CYP2S1: variants seen among roughly 807,000 people sequenced by gnomAD.
CYP2S1 encodes cytochrome P450 2S1.
In CYP2S1, 32 loss-of-function variants were observed where a neutral mutation model predicts 43.5. The ratio of observed to expected loss-of-function variants is 0.74; its 90% CI spans 0.56 to 0.99. CYP2S1 has a LOEUF of 0.99. CYP2S1 is among the 50% of genes least tolerant of loss of function. The probability of loss-of-function intolerance (pLI) is 0.00; values close to 1 mark genes in which losing one functional copy is unlikely to be tolerated. For synonymous variants in CYP2S1, 283 were observed against 302.9 expected (o/e 0.93, Z 0.68); for missense variants, 575 against 673.9 (o/e 0.85, Z 1.62).
chr19:41,203,414 A>G, intron 6 of CYP2S1, 36 bp from the exon 7 acceptor site: 4 of 1,545,814 alleles, frequency 2.6e-6, no homozygotes, highest in Non-Finnish European at 8.7e-7. Flanking sequence ...CCTGGGCCCT[A>G]CCCCCGTCTG....
chr19:41,204,874 G>C lies in CYP2S1; in HGVS notation c.1165-1084G>C, dbSNP rs1018072524. Reference sequence around the variant, plus strand: ...GCCTCCTAAAGTGCTGGGATTACAGGCGTGAGCCACTGCACCTGGCCTACC... The same window carrying C: ...GCCTCCTAAAGTGCTGGGATTACAGCCGTGAGCCACTGCACCTGGCCTACC... On this transcript the variant is annotated intron_variant, in intron 7 of 8. Coordinates refer to ENST00000310054, the MANE Select transcript of CYP2S1 (RefSeq NM_030622.8). Among the ~76,000 whole-genome samples, 39 of 152,178 alleles carry C rather than the reference G, an allele frequency of 2.6e-4. 1 individual carries two copies. Among genetic ancestry groups the C allele is most frequent in the African/African-American group, 8.7e-4 (36 of 41,530 alleles).
At chr19:41,193,653 G>C (rs373242350) in intron 1 of CYP2S1, 5 of 1,027,424 alleles carry the variant, frequency 4.9e-6, no homozygotes. Flanking sequence ...AGGATCGTGG[G>C]GTGGGGGACC....
At position 41,193,343 on chromosome 19, in the gene CYP2S1, AG is replaced by A. The variant is rs1347935000; in HGVS notation, c.82del (p.Ala28ProfsTer33). The A allele has an allele frequency of 6.5e-7, 1 of 1,536,314 alleles. No individual in the cohort carries two copies. On this transcript the variant is annotated frameshift_variant, in exon 1 of 9. Coordinates refer to ENST00000310054, the MANE Select transcript of CYP2S1 (RefSeq NM_030622.8). LOFTEE classifies it high-confidence loss of function. ...LLLTLALSGT[R>X]ARGHLPPGPT... is the part of the protein sequence containing the mutation. ...GCTGACGCTGGCGCTGTCCGGGACC[AG>A]GGCCCGAGGCCACCTGCCCCCCGGG...
intron 2 of CYP2S1, among the ~76,000 whole-genome samples, chr19:41,196,091 T>G (rs2033409982): frequency 6.6e-6 from 1 of 151,086 alleles, no homozygotes; most frequent in African/African-American, 2.4e-5. Flanking sequence ...TGTACGAGGG[T>G]AAAGAGGGAA....
At chr19:41,205,360 T>TCTC (rs1568402491) in intron 7 of CYP2S1, among the ~76,000 whole-genome samples, 1 of 75,270 alleles carries the variant, frequency 1.3e-5, no homozygotes, top group South Asian at 3.3e-4. Context: ...CTTTCTTTCT[T>TCTC]TCTTTCTTTC....
chr19:41,205,362 C>CTTTCTT (rs1189387048), intron 7 of CYP2S1, among the ~76,000 whole-genome samples: 1 of 119,208 alleles, frequency 8.4e-6, no homozygotes, highest in African/African-American at 3.5e-5. Flanking sequence ...TTCTTTCTTT[C>CTTTCTT]TTTCTTTCTT....
At chr19:41,194,790 C>T (rs1302319270) in intron 2 of CYP2S1, 81 bp downstream of exon 2, 1 of 1,519,938 alleles carries the variant, frequency 6.6e-7, no homozygotes, top group Non-Finnish European at 8.8e-7. Flanking sequence ...GGCTTAGTCC[C>T]TCTGTTGCCT....
Position 41,206,401 on chromosome 19 carries a change from C to A in CYP2S1, c.1428C>A (p.Pro476=). Residue 476 remains proline, a synonymous_variant, in exon 9 of 9, where the codon CCC becomes CCA. Coordinates refer to ENST00000310054, the MANE Select transcript of CYP2S1 (RefSeq NM_030622.8). Reference sequence around the variant, plus strand: ...CGCCGGACACCCTGAGCCTCAAGCCCACCGTCAGTGGCCTTTTCAACATTC... The same window carrying A: ...CGCCGGACACCCTGAGCCTCAAGCCAACCGTCAGTGGCCTTTTCAACATTC... The part of the protein sequence containing the change: ...PCPPDTLSLK[P]TVSGLFNIPP... 2.0e-5 allele frequency: 32 copies of A among 1,614,170 alleles called. No individual in the cohort carries two copies. Among genetic ancestry groups the A allele is most frequent in the Non-Finnish European group, 2.7e-5 (32 of 1,180,028 alleles).
In CYP2S1 at chr19:41,206,937, T is replaced by C. The variant is rs1408459050; in HGVS notation, c.*449T>C. 6 of 389,672 alleles carry C rather than the reference T, an allele frequency of 1.5e-5. No homozygotes were observed. Among genetic ancestry groups the C allele is most frequent in the Non-Finnish European group, 3.1e-5 (6 of 193,944 alleles). The allele number at this position is 389,672 out of a possible 1,614,324, so 24.1% of individuals were successfully genotyped here. A position where few individuals can be genotyped will look rare whatever the true frequency, so the allele number is the denominator to read the frequency against. On this transcript the variant is annotated 3_prime_UTR_variant, in exon 9 of 9. Transcript: ENST00000310054. ...CTGGTGCCTGGCACAGGGAACAGCA[T>C]GCCCCCTCCGGGGTCATGCCACCCA...
At position 41,198,317 on chromosome 19, in the gene CYP2S1, CCTT is replaced by C; in HGVS notation, c.494-141_494-139del. On this transcript the variant is annotated intron_variant, in intron 3 of 8. Transcript: ENST00000310054. The surrounding 1 kb of genome is among the most constrained non-coding windows in gnomAD (Gnocchi z 4.9). ...TTTCTCTGTCCCTATCTGTCTGTAT[CCTT>C]CTTTGCCTGTTTAGCTCTCTCCCTG... 1.9e-6 allele frequency: 2 copies of C among 1,031,072 alleles called. No homozygotes were observed. Among genetic ancestry groups the C allele is most frequent in the East Asian group, 2.4e-5 (1 of 41,710 alleles). 63.9% of individuals were successfully genotyped at this position (1,031,072 alleles called of 1,614,324 possible). A position where few individuals can be genotyped will look rare whatever the true frequency, so the allele number is the denominator to read the frequency against.
At position 41,193,359 on chromosome 19, in the gene CYP2S1, T is replaced by A; in HGVS notation, c.95T>A (p.Leu32Gln). 1 of 1,532,888 alleles carries A rather than the reference T, an allele frequency of 6.5e-7. No homozygotes were observed. Among genetic ancestry groups the A allele is most frequent in the Non-Finnish European group, 8.8e-7 (1 of 1,139,420 alleles). The allele number at this position is 1,532,888 out of a possible 1,614,324, so 95.0% of individuals were successfully genotyped here. ...TCCGGGACCAGGGCCCGAGGCCACC[T>A]GCCCCCCGGGCCCACGCCGCTACCA... ...ALSGTRARGH[L>Q]PPGPTPLPLL... Residue 32 changes from leucine to glutamine, a missense_variant, in exon 1 of 9, where the codon CTG (leucine) becomes CAG (glutamine). By Grantham distance (113) the Leu-to-Gln change is moderately radical. Around this residue, in one of 2 missense-constraint regions of CYP2S1, gnomAD observed 353 missense variants for 367.6 expected, o/e 0.96. Transcript: ENST00000310054.
intron 6 of CYP2S1, 65 bp downstream of exon 6, chr19:41,201,437 G>A: frequency 6.4e-7 from 1 of 1,568,922 alleles, no homozygotes; most frequent in Non-Finnish European, 8.6e-7. Context: ...TGAGCAAGGT[G>A]GCTCACGCCT....
At position 41,206,676 on chromosome 19, in the gene CYP2S1, G is replaced by A. The variant is rs549079599; in HGVS notation, c.*188G>A. On this transcript the variant is annotated 3_prime_UTR_variant, in exon 9 of 9. Transcript: ENST00000310054. ...ACTCATGCTGCTAAGATGCACAACCGCACACCCATACACAACTACAAGGGC... is the reference window on the plus strand; with the variant it reads ...ACTCATGCTGCTAAGATGCACAACCACACACCCATACACAACTACAAGGGC... 67 of 811,600 alleles carry A rather than the reference G, an allele frequency of 8.3e-5. 1 individual carries two copies. Among genetic ancestry groups the A allele is most frequent in the South Asian group, 7.0e-4 (52 of 74,614 alleles). 50.3% of individuals were successfully genotyped at this position (811,600 alleles called of 1,614,324 possible).
chr19:41,194,189 G>A (rs573779480), intron 1 of CYP2S1, among the ~76,000 whole-genome samples: 5 of 152,172 alleles, frequency 3.3e-5, no homozygotes, highest in Admixed American at 6.5e-5. Flanking sequence ...TCAGGGTTTT[G>A]TGGTGACTGA....
chr19:41,205,430 C>CTCTT (rs1262355487), intron 7 of CYP2S1, among the ~76,000 whole-genome samples: 2 of 114,876 alleles, frequency 1.7e-5, no homozygotes, highest in Non-Finnish European at 3.5e-5. Context: ...CTCTCTCTCT[C>CTCTT]TCTTTCTTTC....
chr19:41,196,606 G>A (rs1443417901), intron 2 of CYP2S1, among the ~76,000 whole-genome samples: 1 of 151,830 alleles, frequency 6.6e-6, no homozygotes, highest in African/African-American at 2.4e-5. Flanking sequence ...GGAATGGATG[G>A]TGGGCTGAAA....
Position 41,207,017 on chromosome 19 carries a change from TCTCCC to T in CYP2S1, c.*530_*534del. 1 of 354,448 alleles carries T rather than the reference TCTCCC, an allele frequency of 2.8e-6. No individual in the cohort carries two copies. The highest frequency in any genetic ancestry group is 5.6e-6 in the Non-Finnish European group (1 of 179,704). 22.0% of individuals were successfully genotyped at this position (354,448 alleles called of 1,614,324 possible). A position where few individuals can be genotyped will look rare whatever the true frequency, so the allele number is the denominator to read the frequency against. On this transcript the variant is annotated 3_prime_UTR_variant, in exon 9 of 9. Transcript: ENST00000310054. Reference sequence around the variant, plus strand: ...ATGCTCCCTCTCTTGGCTACACCACTCTCCCAGCCTGTGACCACCGATGTCCACAC... The same window carrying T: ...ATGCTCCCTCTCTTGGCTACACCACTAGCCTGTGACCACCGATGTCCACAC...
At position 41,207,445 on chromosome 19, in the gene CYP2S1, C is replaced by T. The variant is rs570226638; in HGVS notation, c.*957C>T. 59 of 155,116 alleles carry T rather than the reference C, an allele frequency of 3.8e-4. 2 individuals are homozygous for T. The South Asian group carries it at 7.5e-3, about 20-fold the overall frequency. The allele number at this position is 155,116 out of a possible 1,614,324, so 9.6% of individuals were successfully genotyped here. On this transcript the variant is annotated 3_prime_UTR_variant, in exon 9 of 9. Transcript: ENST00000310054. ...TAGAGACCAAGTAGGGGCCAGTTTC[C>T]AATTCACCCTGTCAGGGAGTGAGCC... is the stretch of plus-strand genomic sequence containing the variant.
chr19:41,193,609 C>T, intron 1 of CYP2S1, 168 bp downstream of exon 1: 1 of 1,287,674 alleles, frequency 7.8e-7, no homozygotes, highest in Middle Eastern at 2.9e-4. Context: ...AGCAGGTTGT[C>T]CAGGGCTGAG....
Sources: gnomAD v4.1 joint callset for allele counts (sites outside exome capture counted in the v4.1 genomes callset) on GRCh38, gnomAD v4.1.1 for gene constraint, gnomAD v4.1.1 regional missense constraint, Gnocchi (gnomAD v3.1) non-coding constraint, MANE v1.5 for transcripts, NCBI Gene and HGNC (gene_info 2026-07-23, HGNC 2026-07-21) for gene names.